CNTLN: variants seen among roughly 807,000 people sequenced by gnomAD.
The protein encoded by CNTLN is centlein.
In CNTLN, 212 loss-of-function variants were observed where a neutral mutation model predicts 180.0. That is an observed-to-expected ratio of 1.18 (90% CI 1.05 to 1.32). CNTLN has a LOEUF of 1.32. Among genes scored for constraint, CNTLN ranks in the 40% most tolerant of loss-of-function variants. CNTLN has a pLI of 0.00. For missense variants in CNTLN, 2,095 were observed against 1,610.9 expected, an observed-to-expected ratio of 1.30 and a Z score of -5.14; for synonymous variants, 722 against 563.1, an observed-to-expected ratio of 1.28 and a Z score of -3.99.
At chr9:17,410,404 A>G (rs1308787472) in intron 16 of CNTLN, among the ~76,000 whole-genome samples, 1 of 152,100 alleles carries the variant, frequency 6.6e-6, no homozygotes, top group Non-Finnish European at 1.5e-5. Context: ...TATTTTTCTT[A>G]CTGGCTTAGA....
At chr9:17,214,035 G>T (rs1823538913) in intron 2 of CNTLN, among the ~76,000 whole-genome samples, 1 of 152,072 alleles carries the variant, frequency 6.6e-6, no homozygotes, top group African/African-American at 2.4e-5. Flanking sequence ...CTTTTAATTG[G>T]AGCATTTAGC....
intron 18 of CNTLN, among the ~76,000 whole-genome samples, chr9:17,433,529 A>G (rs188038035): frequency 0.018 from 2,797 of 151,844 alleles, 84 homozygotes; most frequent in African/African-American, 0.064. Flanking sequence ...CAGGTGATCC[A>G]CCCACCTCGG....
rs113490400 is a variant in CNTLN at position 17,435,045 on chromosome 9, A to G, written c.3114+18856A>G. ...CATTACTTAAATTTTGACTTCTCCA[A>G]AAACAAGTTATTAAGAATGTATTCT... On this transcript the variant is annotated intron_variant, in intron 18 of 25. Coordinates refer to ENST00000380647, the MANE Select transcript of CNTLN (RefSeq NM_017738.4). Among the ~76,000 whole-genome samples, 369 of 152,322 alleles carry G rather than the reference A, an allele frequency of 2.4e-3. 4 individuals are homozygous for G. Among genetic ancestry groups the G allele is most frequent in the African/African-American group, 8.2e-3 (342 of 41,578 alleles).
Position 17,394,540 on chromosome 9 carries a change from G to C in CNTLN, c.2086G>C (p.Glu696Gln), listed in dbSNP as rs1826345284. 6.4e-7 allele frequency: 1 copy of C among 1,563,992 alleles called. No individual in the cohort carries two copies. The highest frequency in any genetic ancestry group is 8.6e-7 in the Non-Finnish European group (1 of 1,156,400). Residue 696 changes from glutamate (E) to glutamine (Q), a missense_variant, in exon 15 of 26, where the codon GAG becomes CAG. Glu to Gln is a conservative substitution (Grantham distance 29). Coordinates refer to ENST00000380647, the MANE Select transcript of CNTLN (RefSeq NM_017738.4). ...AATAAACTCTTTCCTTTAGGTCACT[G>C]AGTTGGAAAATCGGCTGAAATCTTT... is the stretch of plus-strand genomic sequence containing the variant. Reference protein sequence around the residue: ...MLEQTLQKVTELENRLKSFEK... With the variant: ...MLEQTLQKVTQLENRLKSFEK...
At chr9:17,255,228 T>A (rs10962949) in intron 5 of CNTLN, among the ~76,000 whole-genome samples, 39,281 of 151,618 alleles carry the variant, frequency 0.26, 5,227 homozygotes, top group South Asian at 0.37. Context: ...CTATGTTGAA[T>A]AGGAGTGGTG....
intron 19 of CNTLN, among the ~76,000 whole-genome samples, chr9:17,462,043 G>A (rs1030167169): frequency 4.0e-5 from 6 of 151,714 alleles, no homozygotes; most frequent in Non-Finnish European, 5.9e-5. Context: ...ATAACTTCAA[G>A]TAAAGAAGGA....
intron 18 of CNTLN, among the ~76,000 whole-genome samples, chr9:17,445,950 A>T (rs1187625280): frequency 6.6e-6 from 1 of 152,222 alleles, no homozygotes; most frequent in African/African-American, 2.4e-5. Context: ...TTAGGGCTGG[A>T]GGTGGGACCT....
At chr9:17,138,076 C>T (rs56053097) in intron 1 of CNTLN, among the ~76,000 whole-genome samples, 6,693 of 152,116 alleles carry the variant, frequency 0.044, 196 homozygotes, top group Non-Finnish European at 0.066. Flanking sequence ...AAGGGTGTTC[C>T]AAAGGGTAAT....
In CNTLN at chr9:17,284,995, G is replaced by C. The variant is rs908814109; in HGVS notation, c.983+11129G>C. Among the ~76,000 whole-genome samples the C allele has an allele frequency of 7.8e-5, 11 of 140,504 alleles. 1 individual carries two copies. Among genetic ancestry groups the C allele is most frequent in the African/African-American group, 3.3e-4 (11 of 33,718 alleles). 92.2% of individuals were successfully genotyped at this position (140,504 alleles called of 152,430 possible). ...GGTTTCAAAGAACTTCTTGATTTCT[G>C]CCTTAATTTTTTTTTTTTTTAATTA... On this transcript the variant is annotated intron_variant, in intron 6 of 25. Transcript: ENST00000380647.
At chr9:17,496,313 C>T (rs1420785229) in intron 25 of CNTLN, among the ~76,000 whole-genome samples, 1 of 152,160 alleles carries the variant, frequency 6.6e-6, no homozygotes, top group Admixed American at 6.5e-5. Context: ...TTATTTTTCA[C>T]ATTCCTGGGG....
intron 23 of CNTLN, among the ~76,000 whole-genome samples, chr9:17,479,616 A>G (rs1032257398): frequency 2.6e-5 from 4 of 152,202 alleles, no homozygotes; most frequent in African/African-American, 9.6e-5. Flanking sequence ...TGTGTACAAC[A>G]TTGTACATAT....
chr9:17,490,965 G>A (rs1049677520), intron 25 of CNTLN, among the ~76,000 whole-genome samples: 1 of 151,850 alleles, frequency 6.6e-6, no homozygotes, highest in Non-Finnish European at 1.5e-5. Flanking sequence ...TTTTCAGTTG[G>A]CACATAAGGA....
At chr9:17,279,369 C>T (rs1210077227) in intron 6 of CNTLN, among the ~76,000 whole-genome samples, 1 of 152,152 alleles carries the variant, frequency 6.6e-6, no homozygotes, top group Admixed American at 6.6e-5. Context: ...TTTACCAGGG[C>T]CTTCCCTATT....
chr9:17,163,393 A>T lies in CNTLN; in HGVS notation c.449+20017A>T, dbSNP rs1038833982. 2.0e-5 allele frequency among the ~76,000 whole-genome samples: 3 copies of T among 152,246 alleles called. 1 individual carries two copies. The highest frequency in any genetic ancestry group is 4.8e-5 in the African/African-American group (2 of 41,470). On this transcript the variant is annotated intron_variant, in intron 2 of 25. Coordinates refer to ENST00000380647, the MANE Select transcript of CNTLN (RefSeq NM_017738.4). ...GAAATTTTTCTAGAAATAAGAGTAT[A>T]ACAAAGTACAAGTTGATACTGTGTT...
At chr9:17,256,323 T>C (rs1270681016) in intron 5 of CNTLN, among the ~76,000 whole-genome samples, 1 of 152,006 alleles carries the variant, frequency 6.6e-6, no homozygotes, top group African/African-American at 2.4e-5. Flanking sequence ...TTTTAGCTCT[T>C]TGAGAAATCT....
intron 18 of CNTLN, among the ~76,000 whole-genome samples, chr9:17,416,555 T>C (rs1828271425): frequency 6.6e-6 from 1 of 152,220 alleles, no homozygotes; most frequent in South Asian, 2.1e-4. Context: ...TTTGAAACTT[T>C]GTGTTTATGA....
At position 17,484,341 on chromosome 9, in the gene CNTLN, A is replaced by G. The variant is rs1443503345; in HGVS notation, c.3902A>G (p.Gln1301Arg). 1 of 1,611,366 alleles carries G rather than the reference A, an allele frequency of 6.2e-7. No individual in the cohort carries two copies. Among genetic ancestry groups the G allele is most frequent in the Non-Finnish European group, 8.5e-7 (1 of 1,179,156 alleles). The change falls in exon 24 of 26, where the codon CAA (glutamine) becomes CGA (arginine). Residue 1301 changes from glutamine to arginine, a missense_variant. Transcript: ENST00000380647. Reference sequence around the variant, plus strand: ...AATGATGTCCATGTGGTAAGGCGACAAATAAGAGAGCTTAAAAAAATGAAG... The same window carrying G: ...AATGATGTCCATGTGGTAAGGCGACGAATAAGAGAGCTTAAAAAAATGAAG... ...LQNDVHVVRR[Q>R]IRELKKMKKN... is the part of the protein sequence containing the mutation.
chr9:17,192,239 C>CTTT (rs202082553), intron 2 of CNTLN, among the ~76,000 whole-genome samples: 1 of 134,502 alleles, frequency 7.4e-6, no homozygotes, highest in African/African-American at 2.7e-5. Flanking sequence ...AGGCCCTATT[C>CTTT]TTTTTTTTTT....
intron 25 of CNTLN, among the ~76,000 whole-genome samples, chr9:17,491,757 G>T (rs1156993415): frequency 1.3e-5 from 2 of 152,134 alleles, no homozygotes; most frequent in East Asian, 1.9e-4. Context: ...CCTATTAGTT[G>T]CTTCAGATCT....
Sources: allele counts gnomAD v4.1 joint callset (sites outside exome capture counted in the v4.1 genomes callset), GRCh38; gene constraint gnomAD v4.1.1; transcripts MANE v1.5; gene names NCBI Gene and HGNC (gene_info 2026-07-23, HGNC 2026-07-21).